The following RHOBTB2 variants were observed in gnomAD, a reference collection of about 807,000 sequenced individuals.
The protein encoded by RHOBTB2 is rho-related BTB domain-containing protein 2.
RHOBTB2 carries 39 observed loss-of-function variants against 66.5 expected under a neutral mutation model. That is an observed-to-expected ratio of 0.59 (90% confidence interval 0.45 to 0.77). RHOBTB2 has a LOEUF of 0.77. Among genes scored for constraint, RHOBTB2 ranks in the 30% least tolerant of loss-of-function variants. The pLI, the probability that RHOBTB2 is intolerant of heterozygous loss-of-function variation, is 0.00. For synonymous variants in RHOBTB2, 390 were observed against 395.0 expected (o/e 0.99, Z 0.15); for missense variants, 755 against 999.1 (o/e 0.76, Z 3.29).
At chr8:22,975,392 G>T in the RHOBTB2 span, among the ~76,000 whole-genome samples, 1 of 152,106 alleles carries the variant, frequency 6.6e-6, no homozygotes, top group Non-Finnish European at 1.5e-5. Context: ...ATACCAAAAG[G>T]GTCCCTTGAC....
At chr8:22,953,981 G>A in the RHOBTB2 span, among the ~76,000 whole-genome samples, 1 of 152,176 alleles carries the variant, frequency 6.6e-6, no homozygotes, top group Non-Finnish European at 1.5e-5. Flanking sequence ...TTGTCATGTA[G>A]GAAGAGCTTA....
At chr8:22,968,168 A>G in the RHOBTB2 span, among the ~76,000 whole-genome samples, 4 of 152,034 alleles carry the variant, frequency 2.6e-5, no homozygotes, top group African/African-American at 9.7e-5. Context: ...AAAAAAAAAA[A>G]TTGTTAAAAT....
chr8:22,953,635 G>A, the RHOBTB2 span, among the ~76,000 whole-genome samples: 2 of 152,210 alleles, frequency 1.3e-5, no homozygotes, highest in African/African-American at 4.8e-5. Flanking sequence ...TCAGACCAAA[G>A]AGACTTATTT....
At position 23,005,470 on chromosome 8, in the gene RHOBTB2, T is replaced by C; in HGVS notation, c.291T>C (p.Tyr97=). ...ACCACAAAGACCGTCGCTTTGCTTA[T>C]GGGAGGTAGGGAAGGCCTCTAGCCG... is the stretch of plus-strand genomic sequence containing the variant. The part of the protein sequence containing the change: ...GDHHKDRRFA[Y]GRSDVVVLCF... The change falls in exon 3 of 10, where the codon TAT becomes TAC. Residue 97 remains tyrosine (Y), a synonymous_variant. Transcript: ENST00000251822. The C allele has an allele frequency of 6.2e-7, 1 of 1,611,580 alleles. No homozygotes were observed. Among genetic ancestry groups the C allele is most frequent in the Non-Finnish European group, 8.5e-7 (1 of 1,177,754 alleles).
At position 23,007,719 on chromosome 8, in the gene RHOBTB2, G is replaced by A. The variant is rs1307684861; in HGVS notation, c.1474G>A (p.Glu492Lys). 2 of 1,613,926 alleles carry A rather than the reference G, an allele frequency of 1.2e-6. No individual in the cohort carries two copies. The highest frequency in any genetic ancestry group is 1.7e-6 in the Non-Finnish European group (2 of 1,179,918). ...CGTCCGCCGGACCAACCGGGTTAAGGAGTGCTTGGCAAAAGGCACCTTCTC... is the reference window on the plus strand; with the variant it reads ...CGTCCGCCGGACCAACCGGGTTAAGAAGTGCTTGGCAAAAGGCACCTTCTC... ...FHVRRTNRVK[E>K]CLAKGTFSDV... Residue 492 changes from glutamate to lysine, a missense_variant, in exon 5 of 10, where the codon GAG (glutamate) becomes AAG (lysine). This residue lies in a region of RHOBTB2 where 353 missense variants were observed against 458.2 expected (regional missense o/e 0.77). Transcript: ENST00000251822.
chr8:22,958,073 G>A, the RHOBTB2 span, among the ~76,000 whole-genome samples: 1 of 152,230 alleles, frequency 6.6e-6, no homozygotes, highest in Non-Finnish European at 1.5e-5. Flanking sequence ...CTTTGTAGAC[G>A]TGCACTGGCT....
At chr8:22,988,153 C>CTTTTTTTTTTTTTTTTTT (rs34922844) in intron 1 of RHOBTB2, among the ~76,000 whole-genome samples, 1 of 78,112 alleles carries the variant, frequency 1.3e-5, no homozygotes, top group East Asian at 4.8e-4. Context: ...GCTCCTTCCC[C>CTTTTTTTTTTTTTTTTTT]TTTTTTTTTT....
upstream of RHOBTB2, among the ~76,000 whole-genome samples, chr8:22,996,962 G>A (rs1006401359): frequency 2.0e-5 from 3 of 152,116 alleles, no homozygotes; most frequent in African/African-American, 7.2e-5. Context: ...TGGGGGTCCC[G>A]GGGCAGTCCT....
the RHOBTB2 span, among the ~76,000 whole-genome samples, chr8:22,966,507 G>T: frequency 1.3e-5 from 2 of 151,862 alleles, no homozygotes; most frequent in East Asian, 1.9e-4. Flanking sequence ...ACATCAGGCC[G>T]GGTGTGGTGG....
chr8:22,960,520 T>C, the RHOBTB2 span, among the ~76,000 whole-genome samples: 1 of 152,102 alleles, frequency 6.6e-6, no homozygotes, highest in Non-Finnish European at 1.5e-5. Context: ...GGTTTCACCA[T>C]GTTGGCCAGG....
chr8:22,952,818 T>C, the RHOBTB2 span, among the ~76,000 whole-genome samples: 98 of 152,226 alleles, frequency 6.4e-4, 1 homozygote, highest in African/African-American at 1.3e-3. Context: ...GGCAGGAGAA[T>C]TGCTTGAACT....
At chr8:22,996,285 G>A (rs1405237610), upstream of RHOBTB2, among the ~76,000 whole-genome samples, 4 of 152,120 alleles carry the variant, frequency 2.6e-5, no homozygotes, top group African/African-American at 9.7e-5. Context: ...GTTGGGCAGG[G>A]GCAGGAGATT....
intron 2 of RHOBTB2, among the ~76,000 whole-genome samples, chr8:22,992,841 C>T (rs1449478208): frequency 6.6e-6 from 1 of 152,264 alleles, no homozygotes; most frequent in Non-Finnish European, 1.5e-5. Context: ...CCAGCTGTGA[C>T]TTCCTGGGAG....
chr8:22,962,570 G>C, the RHOBTB2 span, among the ~76,000 whole-genome samples: 141,892 of 152,326 alleles, frequency 0.93, 66,185 homozygotes, highest in African/African-American at 0.97. Context: ...AGTCAGATAT[G>C]TGAGAAAGAA....
At chr8:22,996,616 A>G (rs1810575273), upstream of RHOBTB2, among the ~76,000 whole-genome samples, 1 of 149,718 alleles carries the variant, frequency 6.7e-6, no homozygotes, top group Admixed American at 6.7e-5. Context: ...AGAAAGAAAG[A>G]GGCCAGGAGC....
the RHOBTB2 span, among the ~76,000 whole-genome samples, chr8:22,980,327 A>G: frequency 6.6e-6 from 1 of 152,172 alleles, no homozygotes; most frequent in African/African-American, 2.4e-5. Context: ...ATCCTCACCA[A>G]TTTGATAGGT....
Position 23,007,743 on chromosome 8 carries a change from T to G in RHOBTB2, c.1498T>G (p.Ser500Ala), listed in dbSNP as rs995670907. 1 of 1,613,172 alleles carries G rather than the reference T, an allele frequency of 6.2e-7. No homozygotes were observed. Among genetic ancestry groups the G allele is most frequent in the African/African-American group, 1.3e-5 (1 of 74,922 alleles). The change falls in exon 5 of 10, where the codon TCA becomes GCA. Residue 500 changes from serine (S) to alanine (A), a missense_variant. By Grantham distance (99) the Ser-to-Ala change is moderately conservative. Transcript: ENST00000251822. The stretch of plus-strand genomic sequence containing the variant: ...GGAGTGCTTGGCAAAAGGCACCTTC[T>G]CAGGTATGGAACAGGCTTGGAAAGC... The part of the protein sequence containing the change: ...VKECLAKGTF[S>A]DVTFILDDGT...
upstream of RHOBTB2, among the ~76,000 whole-genome samples, chr8:22,983,348 AAAC>A (rs1233839567): frequency 5.3e-5 from 8 of 151,884 alleles, no homozygotes; most frequent in Non-Finnish European, 8.8e-5. Context: ...AAAAAAAAAA[AAAC>A]AAAAAAGAAG....
chr8:23,017,288 C>G lies in RHOBTB2; in HGVS notation c.2003C>G (p.Pro668Arg), dbSNP rs1365544124. 2 of 1,614,070 alleles carry G rather than the reference C, an allele frequency of 1.2e-6. No homozygotes were observed. Residue 668 changes from proline (P) to arginine (R), a missense_variant, in exon 10 of 10, where the codon CCT becomes CGT. Around this residue, in one of 7 missense-constraint regions of RHOBTB2, gnomAD observed 353 missense variants for 458.2 expected, o/e 0.77. Transcript: ENST00000251822. The surrounding 1 kb of genome is among the most constrained non-coding windows in gnomAD (Gnocchi z 5.3). The part of the protein sequence containing the change: ...QEYFEKHRWP[P>R]VWYLKEEDHY... ...TATTTCGAGAAGCATCGGTGGCCAC[C>G]TGTGTGGTACCTGAAGGAGGAAGAT...
Sources: allele counts gnomAD v4.1 joint callset (sites outside exome capture counted in the v4.1 genomes callset), GRCh38; gene constraint gnomAD v4.1.1; regional missense constraint gnomAD v4.1.1; non-coding constraint Gnocchi (gnomAD v3.1); transcripts MANE v1.5; gene names NCBI Gene and HGNC (gene_info 2026-07-23, HGNC 2026-07-21).